PTAR1: variants seen among roughly 807,000 people sequenced by gnomAD.
PTAR1 encodes protein prenyltransferase alpha subunit repeat-containing protein 1.
A neutral mutation model predicts 45.5 loss-of-function variants in PTAR1; 17 were observed. The ratio of observed to expected loss-of-function variants is 0.37; its 90% CI spans 0.26 to 0.56. The LOEUF (loss-of-function observed/expected upper bound fraction) is 0.56, where lower values mean the gene tolerates loss of function less well. PTAR1 is among the 20% of genes least tolerant of loss of function. PTAR1 has a pLI of 0.77. For synonymous variants in PTAR1, 169 were observed against 171.3 expected (o/e 0.99, Z 0.11); for missense variants, 391 against 476.3 (o/e 0.82, Z 1.67).
chr9:69,726,522 T>TTTA (rs1183970319), intron 5 of PTAR1, among the ~76,000 whole-genome samples: 1 of 152,044 alleles, frequency 6.6e-6, no homozygotes, highest in Non-Finnish European at 1.5e-5. Context: ...AGAAAAAAAC[T>TTTA]TTATAAAGTT....
chr9:69,754,953 A>C (rs1172011720), intron 1 of PTAR1, among the ~76,000 whole-genome samples: 3 of 152,138 alleles, frequency 2.0e-5, no homozygotes, highest in Non-Finnish European at 4.4e-5. Context: ...TTCCCATTAA[A>C]CATTTTCCCA....
chr9:69,736,719 C>T (rs1400850263), intron 3 of PTAR1, among the ~76,000 whole-genome samples: 1 of 152,132 alleles, frequency 6.6e-6, no homozygotes, highest in African/African-American at 2.4e-5. Flanking sequence ...AGTTACCCTA[C>T]AACTGAGTTT....
chr9:69,737,343 AGTGCTGGGATTACAGGT>A (rs1262838108), intron 3 of PTAR1, among the ~76,000 whole-genome samples: 2 of 152,160 alleles, frequency 1.3e-5, no homozygotes, highest in East Asian at 3.9e-4. Context: ...GGCCTCCCAA[AGTGCTGGGATTACAGGT>A]GTGAGCCACC....
intron 1 of PTAR1, chr9:69,757,854 G>A (rs1475511328): frequency 6.6e-6 from 1 of 151,938 alleles, no homozygotes; most frequent in Non-Finnish European, 1.5e-5. Context: ...AAATTATAAG[G>A]CACTTACAAA....
intron 1 of PTAR1, chr9:69,757,533 T>C (rs1341785568): frequency 2.0e-5 from 3 of 152,214 alleles, no homozygotes; most frequent in Non-Finnish European, 4.4e-5. Context: ...ATTCACATCA[T>C]ACAGTAACAA....
Position 69,714,803 on chromosome 9 carries a change from A to T in PTAR1, c.*3539T>A, listed in dbSNP as rs1416144996. 6.6e-6 allele frequency: 1 copy of T among 152,094 alleles called. No homozygotes were observed. The highest frequency in any genetic ancestry group is 1.5e-5 in the Non-Finnish European group (1 of 67,992). The allele number at this position is 152,094 out of a possible 1,614,324, so 9.4% of individuals were successfully genotyped here. A position where few individuals can be genotyped will look rare whatever the true frequency, so the allele number is the denominator to read the frequency against. ...AAGTCTGGGCCCAGAGTTTCTTAAGAGGTAATAAAATGCTAAAATCTACAG... is the reference window on the plus strand; with the variant it reads ...AAGTCTGGGCCCAGAGTTTCTTAAGTGGTAATAAAATGCTAAAATCTACAG... On this transcript the variant is annotated 3_prime_UTR_variant, in exon 8 of 8. Coordinates refer to ENST00000340434, the MANE Select transcript of PTAR1 (RefSeq NM_001099666.2).
In PTAR1 at chr9:69,715,224, A is replaced by G. The variant is rs1824681113; in HGVS notation, c.*3118T>C. ...ATGAAGAAAAAAAAAGTCTAAATCA[A>G]CTTACTCTATATGCAATAGCTCTTC... On this transcript the variant is annotated 3_prime_UTR_variant, in exon 8 of 8. Coordinates refer to ENST00000340434, the MANE Select transcript of PTAR1 (RefSeq NM_001099666.2). The G allele has an allele frequency of 6.6e-6, 1 of 152,082 alleles. No homozygotes were observed. The highest frequency in any genetic ancestry group is 6.6e-5 in the Admixed American group (1 of 15,242). 9.4% of individuals were successfully genotyped at this position (152,082 alleles called of 1,614,324 possible).
chr9:69,727,614 CA>C (rs1825347928), intron 5 of PTAR1, among the ~76,000 whole-genome samples: 1 of 151,696 alleles, frequency 6.6e-6, no homozygotes, highest in Admixed American at 6.6e-5. Context: ...TGTGAAATGC[CA>C]TATTCATCAT....
At chr9:69,746,753 A>G (rs1826292798) in intron 2 of PTAR1, among the ~76,000 whole-genome samples, 1 of 152,238 alleles carries the variant, frequency 6.6e-6, no homozygotes, top group Non-Finnish European at 1.5e-5. Flanking sequence ...AATTTCAGCT[A>G]TAACAAGGAG....
intron 2 of PTAR1, among the ~76,000 whole-genome samples, chr9:69,744,010 T>C (rs182710113): frequency 5.1e-4 from 77 of 152,296 alleles, no homozygotes; most frequent in Middle Eastern, 3.4e-3. Context: ...GGAAAAAGTA[T>C]GAGCAAAGAT....
intron 2 of PTAR1, among the ~76,000 whole-genome samples, chr9:69,747,479 C>T (rs970583895): frequency 6.6e-6 from 1 of 152,160 alleles, no homozygotes; most frequent in Non-Finnish European, 1.5e-5. Flanking sequence ...CTGCTTGTGG[C>T]TGTAATGAAC....
intron 1 of PTAR1, among the ~76,000 whole-genome samples, chr9:69,756,196 G>A (rs2134177516): frequency 6.6e-6 from 1 of 152,290 alleles, no homozygotes; most frequent in Non-Finnish European, 1.5e-5. Context: ...ACTAAAAAAT[G>A]TTCACTGGTG....
rs1187042237 is a variant in PTAR1, at chr9:69,718,162, C to T, written c.*180G>A. On this transcript the variant is annotated 3_prime_UTR_variant, in exon 8 of 8. Coordinates refer to ENST00000340434, the MANE Select transcript of PTAR1 (RefSeq NM_001099666.2). Reference sequence around the variant, plus strand: ...AGGAACTATACGATTATTTTATCCCCACAGGAATGCCAGTTATTAACAAAA... The same window carrying T: ...AGGAACTATACGATTATTTTATCCCTACAGGAATGCCAGTTATTAACAAAA... 1 of 526,744 alleles carries T rather than the reference C, an allele frequency of 1.9e-6. No homozygotes were observed. The highest frequency in any genetic ancestry group is 3.3e-6 in the Non-Finnish European group (1 of 298,744). 32.6% of individuals were successfully genotyped at this position (526,744 alleles called of 1,614,324 possible). A position where few individuals can be genotyped will look rare whatever the true frequency, so the allele number is the denominator to read the frequency against.
rs1056660197 is a variant in PTAR1 at position 69,711,885 on chromosome 9, G to T, written c.*6457C>A. The T allele has an allele frequency of 6.6e-6, 1 of 152,070 alleles. No individual in the cohort carries two copies. Among genetic ancestry groups the T allele is most frequent in the Non-Finnish European group, 1.5e-5 (1 of 68,008 alleles). The allele number at this position is 152,070 out of a possible 1,614,324, so 9.4% of individuals were successfully genotyped here. ...CTACAAATATACTCCTTGGTGAAAA[G>T]ATGTCAACAGTCTCCTTTCTGAAAG... On this transcript the variant is annotated 3_prime_UTR_variant, in exon 8 of 8. Coordinates refer to ENST00000340434, the MANE Select transcript of PTAR1 (RefSeq NM_001099666.2).
At chr9:69,732,765 T>C (rs896499560) in intron 4 of PTAR1, among the ~76,000 whole-genome samples, 1 of 152,134 alleles carries the variant, frequency 6.6e-6, no homozygotes, top group African/African-American at 2.4e-5. Flanking sequence ...TATATATGCA[T>C]GCCTCACCCT....
In PTAR1 at chr9:69,716,989, T is replaced by C. The variant is rs1342329367; in HGVS notation, c.*1353A>G. On this transcript the variant is annotated 3_prime_UTR_variant, in exon 8 of 8. Transcript: ENST00000340434. ...AACAGACCACTTACAAAAGGGCAAA[T>C]ATAAGAAAGCAGACATTACATGGCC... 1 of 151,850 alleles carries C rather than the reference T, an allele frequency of 6.6e-6. No homozygotes were observed. Among genetic ancestry groups the C allele is most frequent in the Non-Finnish European group, 1.5e-5 (1 of 67,930 alleles). 9.4% of individuals were successfully genotyped at this position (151,850 alleles called of 1,614,324 possible).
chr9:69,723,234 A>G lies in PTAR1; in HGVS notation c.947+92T>C. 5 of 1,075,796 alleles carry G rather than the reference A, an allele frequency of 4.6e-6. No individual in the cohort carries two copies. In the South Asian group the frequency reaches 7.5e-5, roughly 16 times the overall value. 66.6% of individuals were successfully genotyped at this position (1,075,796 alleles called of 1,614,324 possible). A position where few individuals can be genotyped will look rare whatever the true frequency, so the allele number is the denominator to read the frequency against. ...CACAATCAGATGACCATGTTTACCCAAGCAGGCAGGAATCAGGTGTAACTA... is the reference window on the plus strand; with the variant it reads ...CACAATCAGATGACCATGTTTACCCGAGCAGGCAGGAATCAGGTGTAACTA... On this transcript the variant is annotated intron_variant, in intron 6 of 7. Transcript: ENST00000340434.
At chr9:69,732,002 T>C in intron 5 of PTAR1, 137 bp downstream of exon 5, 1 of 630,204 alleles carries the variant, frequency 1.6e-6, no homozygotes, top group Non-Finnish European at 2.8e-6. Flanking sequence ...CCTCCAGAGG[T>C]AGCAGCTGTT....
At chr9:69,735,499 T>C (rs1825746608) in intron 3 of PTAR1, among the ~76,000 whole-genome samples, 1 of 152,142 alleles carries the variant, frequency 6.6e-6, no homozygotes, top group African/African-American at 2.4e-5. Context: ...CTATCTGCGG[T>C]TGGTTGAATC....
Sources: allele counts gnomAD v4.1 joint callset (sites outside exome capture counted in the v4.1 genomes callset), GRCh38; gene constraint gnomAD v4.1.1; transcripts MANE v1.5; gene names NCBI Gene and HGNC (gene_info 2026-07-23, HGNC 2026-07-21).